The following B3GALT5 variants were observed in gnomAD, a reference collection of about 807,000 sequenced individuals.
B3GALT5 encodes beta-1,3-galactosyltransferase 5.
For synonymous variants in B3GALT5, 156 were observed against 158.6 expected (o/e 0.98, Z 0.12); for missense variants, 328 against 396.6 (o/e 0.83, Z 1.47).
At chr21:39,623,253 T>G (rs1272693697) in intron 1 of B3GALT5, among the ~76,000 whole-genome samples, 1 of 125,440 alleles carries the variant, frequency 8.0e-6, no homozygotes, top group Admixed American at 8.2e-5. Context: ...CTTCCTTCCT[T>G]CCTTCCTTCC....
chr21:39,619,007 A>G (rs1443048217), intron 1 of B3GALT5, among the ~76,000 whole-genome samples: 1 of 152,204 alleles, frequency 6.6e-6, no homozygotes, highest in Non-Finnish European at 1.5e-5. Flanking sequence ...TTTCAAATGA[A>G]TAGTCAGTCC....
chr21:39,645,583 C>T lies in B3GALT5; in HGVS notation c.-391-809C>T, dbSNP rs566179560. ...TGTGGCTGACACCACGTGGTGTCTC[C>T]CCATTTCACATCTGTGTGAGGTGGC... On this transcript the variant is annotated intron_variant, in intron 1 of 3. Coordinates refer to ENST00000684187, the MANE Select transcript of B3GALT5 (RefSeq NM_001356336.2). 4.6e-5 allele frequency among the ~76,000 whole-genome samples: 7 copies of T among 152,266 alleles called. No individual in the cohort carries two copies. The East Asian group carries it at 1.4e-3, about 30-fold the overall frequency.
chr21:39,647,552 TGGTCCAC>T (rs2079353276), intron 2 of B3GALT5, among the ~76,000 whole-genome samples: 1 of 33,204 alleles, frequency 3.0e-5, no homozygotes, highest in Non-Finnish European at 6.3e-5. Flanking sequence ...CTGGCCACGC[TGGTCCAC>T]GCTGGTCTTT....
At chr21:39,633,793 T>C (rs1466860267) in intron 1 of B3GALT5, among the ~76,000 whole-genome samples, 1 of 152,260 alleles carries the variant, frequency 6.6e-6, no homozygotes, top group Non-Finnish European at 1.5e-5. Flanking sequence ...ATTGCTTTCA[T>C]ATATATTTGG....
At chr21:39,617,491 G>T (rs1337102135) in intron 1 of B3GALT5, among the ~76,000 whole-genome samples, 1 of 152,122 alleles carries the variant, frequency 6.6e-6, no homozygotes, top group Non-Finnish European at 1.5e-5. Context: ...TGAGCGTGTG[G>T]GAAAAACTAC....
At chr21:39,649,725 G>A (rs566349030) in intron 2 of B3GALT5, among the ~76,000 whole-genome samples, 30 of 152,276 alleles carry the variant, frequency 2.0e-4, no homozygotes, top group African/African-American at 7.0e-4. Context: ...CATCAAGGGT[G>A]GGGGACGAGG....
intron 1 of B3GALT5, among the ~76,000 whole-genome samples, chr21:39,639,347 T>TTTTTTTCCTTCCTTCCTTCCTTCC (rs2079260072): frequency 1.0e-4 from 7 of 66,738 alleles, no homozygotes; most frequent in African/African-American, 6.2e-5. Flanking sequence ...TCTTTCTTTC[T>TTTTTTTCCTTCCTTCCTTCCTTCC]TTCCTTCCTT....
rs199791653 is a variant in B3GALT5, at chr21:39,613,293, TAA to T, written c.-392+228_-392+229del. On this transcript the variant is annotated intron_variant, in intron 1 of 3. Coordinates refer to ENST00000684187, the MANE Select transcript of B3GALT5 (RefSeq NM_001356336.2). ...CTTGGTGTGAAAACATACTCATTTA[TAA>T]AGTCTTATCGCTACTCACGCCACGC... 5.5e-3 allele frequency among the ~76,000 whole-genome samples: 833 copies of T among 152,336 alleles called. 33 individuals are homozygous for T. Among genetic ancestry groups the T allele is most frequent in the Admixed American group, 0.051 (774 of 15,304 alleles).
chr21:39,615,737 T>C (rs1028663441), intron 1 of B3GALT5, among the ~76,000 whole-genome samples: 1 of 152,192 alleles, frequency 6.6e-6, no homozygotes, highest in Non-Finnish European at 1.5e-5. Flanking sequence ...ACTTATTTCA[T>C]AGGGGTGGTT....
intron 3 of B3GALT5, among the ~76,000 whole-genome samples, chr21:39,660,228 A>G (rs923919753): frequency 6.6e-6 from 1 of 152,176 alleles, no homozygotes; most frequent in Non-Finnish European, 1.5e-5. Flanking sequence ...TCATGGAGTC[A>G]TAGAAGGGCA....
chr21:39,640,467 C>T (rs1373662606), intron 1 of B3GALT5, among the ~76,000 whole-genome samples: 1 of 152,160 alleles, frequency 6.6e-6, no homozygotes. Context: ...GGTGAGAAGT[C>T]CAGCTCTTTT....
Position 39,666,349 on chromosome 21 carries a change from G to A in B3GALT5, c.*4857G>A, listed in dbSNP as rs1468836407. On this transcript the variant is annotated 3_prime_UTR_variant, in exon 4 of 4. Transcript: ENST00000684187. ...AGACAGAGTCTCACTCTGTCACCTA[G>A]GCTGAAGTGCAGTGGTGCAGTCTTG... The A allele has an allele frequency of 6.6e-6, 1 of 152,488 alleles. No individual in the cohort carries two copies. The highest frequency in any genetic ancestry group is 1.5e-5 in the Non-Finnish European group (1 of 68,270). The allele number at this position is 152,488 out of a possible 1,614,324, so 9.4% of individuals were successfully genotyped here. A position where few individuals can be genotyped will look rare whatever the true frequency, so the allele number is the denominator to read the frequency against.
In B3GALT5 at chr21:39,662,397, C is replaced by G. The variant is rs1027415094; in HGVS notation, c.*905C>G. On this transcript the variant is annotated 3_prime_UTR_variant, in exon 4 of 4. Transcript: ENST00000684187. ...CCACTGCCCCAGGAGCACTTTAGGG[C>G]TCTCAGTTCAAACTGAAGGACAGTT... 4 of 167,104 alleles carry G rather than the reference C, an allele frequency of 2.4e-5. No homozygotes were observed. The highest frequency in any genetic ancestry group is 4.4e-5 in the Non-Finnish European group (3 of 68,136). 10.4% of individuals were successfully genotyped at this position (167,104 alleles called of 1,614,324 possible).
At chr21:39,659,256 T>C (rs943285730) in intron 2 of B3GALT5, among the ~76,000 whole-genome samples, 4 of 152,100 alleles carry the variant, frequency 2.6e-5, no homozygotes, top group Non-Finnish European at 5.9e-5. Context: ...CTCTGAAATA[T>C]TAAAATTAAA....
intron 2 of B3GALT5, among the ~76,000 whole-genome samples, chr21:39,659,390 T>C (rs571282847): frequency 7.3e-4 from 111 of 152,376 alleles, no homozygotes; most frequent in African/African-American, 2.6e-3. Flanking sequence ...TTATTCTCTG[T>C]GTTAAATTCT....
intron 2 of B3GALT5, among the ~76,000 whole-genome samples, chr21:39,658,862 T>G (rs1261412278): frequency 5.9e-5 from 4 of 67,738 alleles, no homozygotes; most frequent in African/African-American, 1.5e-4. Context: ...GAAAGCTCCA[T>G]TATTATATTC....
At chr21:39,623,829 T>C (rs544084637) in intron 1 of B3GALT5, among the ~76,000 whole-genome samples, 2 of 152,362 alleles carry the variant, frequency 1.3e-5, no homozygotes, top group African/African-American at 4.8e-5. Flanking sequence ...TGAGATCTCA[T>C]ATTTTCAATT....
chr21:39,614,101 A>G (rs1370226159), intron 1 of B3GALT5, among the ~76,000 whole-genome samples: 2 of 152,166 alleles, frequency 1.3e-5, no homozygotes, highest in Non-Finnish European at 2.9e-5. Flanking sequence ...TTACAGATGT[A>G]GGAAGTCTTC....
Position 39,670,871 on chromosome 21 carries a change from A to G in B3GALT5, c.*9379A>G, listed in dbSNP as rs541046186. 2.0e-5 allele frequency: 3 copies of G among 152,306 alleles called. No homozygotes were observed. In the South Asian group the frequency reaches 6.2e-4, roughly 32 times the overall value. 9.4% of individuals were successfully genotyped at this position (152,306 alleles called of 1,614,324 possible). A position where few individuals can be genotyped will look rare whatever the true frequency, so the allele number is the denominator to read the frequency against. ...CCTCATTTTAAAAACAGATGAGGCA[A>G]TGTTTACATTTTCTCCATGTCCTCC... On this transcript the variant is annotated 3_prime_UTR_variant, in exon 4 of 4. Coordinates refer to ENST00000684187, the MANE Select transcript of B3GALT5 (RefSeq NM_001356336.2).
Sources: allele counts gnomAD v4.1 joint callset (sites outside exome capture counted in the v4.1 genomes callset), GRCh38; gene constraint gnomAD v4.1.1; transcripts MANE v1.5; gene names NCBI Gene and HGNC (gene_info 2026-07-23, HGNC 2026-07-21).